CNTNAP4: variants seen among roughly 807,000 people sequenced by gnomAD.
The protein encoded by CNTNAP4 is contactin-associated protein-like 4.
In CNTNAP4, 98 loss-of-function variants were observed where a neutral mutation model predicts 148.4. The observed-to-expected ratio is 0.66, with a 90% CI of 0.56 to 0.78. The LOEUF (loss-of-function observed/expected upper bound fraction) is 0.78, where lower values mean the gene tolerates loss of function less well. CNTNAP4 is among the 30% of genes least tolerant of loss of function. The pLI is 0.00. For missense variants in CNTNAP4, 1,935 were observed against 1,565.6 expected, an observed-to-expected ratio of 1.24 and a Z score of -3.98; for synonymous variants, 730 against 565.1, an observed-to-expected ratio of 1.29 and a Z score of -4.14.
chr16:76,434,821 G>C (rs1324681279), intron 4 of CNTNAP4, among the ~76,000 whole-genome samples: 1 of 152,142 alleles, frequency 6.6e-6, no homozygotes, highest in Non-Finnish European at 1.5e-5. Flanking sequence ...TGGCACTGGG[G>C]AAATGACCAC....
At position 76,558,841 on chromosome 16, in the gene CNTNAP4, C is replaced by T. The variant is rs1264694299; in HGVS notation, c.*158C>T. Reference sequence around the variant, plus strand: ...GGCTTGGGGTGGCTCCAGGAAGCCTCGTCCAGTGATATATTTCTCATAGCA... The same window carrying T: ...GGCTTGGGGTGGCTCCAGGAAGCCTTGTCCAGTGATATATTTCTCATAGCA... On this transcript the variant is annotated 3_prime_UTR_variant, in exon 24 of 24. Transcript: ENST00000611870. 5 of 516,376 alleles carry T rather than the reference C, an allele frequency of 9.7e-6. No individual in the cohort carries two copies. The highest frequency in any genetic ancestry group is 5.9e-5 in the African/African-American group (3 of 51,158). 32.0% of individuals were successfully genotyped at this position (516,376 alleles called of 1,614,324 possible).
At chr16:76,435,290 T>A (rs1246305976) in intron 4 of CNTNAP4, among the ~76,000 whole-genome samples, 1 of 152,168 alleles carries the variant, frequency 6.6e-6, no homozygotes, top group East Asian at 1.9e-4. Flanking sequence ...AGGAGTGCAG[T>A]AGGCTTCCTA....
In CNTNAP4 at chr16:76,460,381, T is replaced by C. The variant is rs371995783; in HGVS notation, c.1334-1575T>C. ...GCCTCAGCCTCCCAAAGTACTGGGA[T>C]TACAGGCATGAGCCACCACACCTGG... is the stretch of plus-strand genomic sequence containing the variant. On this transcript the variant is annotated intron_variant, in intron 8 of 23. Transcript: ENST00000611870. 1.1e-3 allele frequency among the ~76,000 whole-genome samples: 160 copies of C among 151,796 alleles called. 1 individual carries two copies. Among genetic ancestry groups the C allele is most frequent in the African/African-American group, 3.6e-3 (151 of 41,454 alleles).
intron 21 of CNTNAP4, among the ~76,000 whole-genome samples, chr16:76,547,270 G>A (rs775043818): frequency 8.6e-5 from 13 of 152,028 alleles, no homozygotes; most frequent in Admixed American, 1.3e-4. Context: ...TCCACCACAT[G>A]GGGAAAAAGA....
At chr16:76,467,645 A>G (rs1002974) in intron 10 of CNTNAP4, 122 bp downstream of exon 10, 444,338 of 775,756 alleles carry the variant, frequency 0.57, 129,855 homozygotes, top group African/African-American at 0.78. Context: ...ACAGGAAATG[A>G]ATTATATTTA....
intron 9 of CNTNAP4, among the ~76,000 whole-genome samples, chr16:76,463,220 G>C (rs1383354301): frequency 6.6e-6 from 1 of 152,084 alleles, no homozygotes; most frequent in Non-Finnish European, 1.5e-5. Flanking sequence ...AAGATATATA[G>C]AACAACTTAA....
At position 76,537,460 on chromosome 16, in the gene CNTNAP4, G is replaced by T. The variant is rs1224700579; in HGVS notation, c.2996-656G>T. On this transcript the variant is annotated intron_variant, in intron 18 of 23. Transcript: ENST00000611870. Reference sequence around the variant, plus strand: ...ATGTATTTGGTGTGTGTGTGTGAGAGAGAGAGAGAGGAAGACAGAGAGAAT... The same window carrying T: ...ATGTATTTGGTGTGTGTGTGTGAGATAGAGAGAGAGGAAGACAGAGAGAAT... Among the ~76,000 whole-genome samples, 5 of 152,052 alleles carry T rather than the reference G, an allele frequency of 3.3e-5. No homozygotes were observed. The South Asian group carries it at 1.0e-3, about 31-fold the overall frequency.
chr16:76,423,070 G>C (rs569850687), intron 3 of CNTNAP4, among the ~76,000 whole-genome samples: 1 of 152,118 alleles, frequency 6.6e-6, no homozygotes, highest in African/African-American at 2.4e-5. Context: ...GCTAGAAAGT[G>C]GCATTCTATG....
At chr16:76,386,801 G>A (rs2016553033) in intron 3 of CNTNAP4, among the ~76,000 whole-genome samples, 1 of 152,152 alleles carries the variant, frequency 6.6e-6, no homozygotes, top group Non-Finnish European at 1.5e-5. Flanking sequence ...GATGATCATA[G>A]TAAGATTACC....
At chr16:76,439,504 AGTTGCAAAT>A (rs1296895408) in intron 4 of CNTNAP4, among the ~76,000 whole-genome samples, 1 of 152,162 alleles carries the variant, frequency 6.6e-6, no homozygotes, top group Non-Finnish European at 1.5e-5. Context: ...ACATTGCAAA[AGTTGCAAAT>A]GAATATTAGA....
chr16:76,501,357 G>A (rs964688315), intron 15 of CNTNAP4, among the ~76,000 whole-genome samples: 3 of 152,144 alleles, frequency 2.0e-5, no homozygotes, highest in African/African-American at 4.8e-5. Context: ...GACCCAGGCT[G>A]GCTTCCTCTG....
At chr16:76,494,720 T>A (rs573301378) in intron 13 of CNTNAP4, among the ~76,000 whole-genome samples, 190 bp from the exon 14 acceptor site, 2 of 152,288 alleles carry the variant, frequency 1.3e-5, no homozygotes, top group East Asian at 3.9e-4. Context: ...AAATAATAAC[T>A]TTTTTATAAA....
At chr16:76,300,851 A>G (rs1425723449) in intron 1 of CNTNAP4, among the ~76,000 whole-genome samples, 1 of 152,126 alleles carries the variant, frequency 6.6e-6, no homozygotes, top group Non-Finnish European at 1.5e-5. Context: ...ATTAGACACT[A>G]TGACATATGT....
At chr16:76,518,822 A>T (rs775439038) in intron 15 of CNTNAP4, among the ~76,000 whole-genome samples, 2 of 152,106 alleles carry the variant, frequency 1.3e-5, no homozygotes, top group Non-Finnish European at 2.9e-5. Context: ...TTTTGTATTC[A>T]TTGCCCAATC....
intron 4 of CNTNAP4, among the ~76,000 whole-genome samples, chr16:76,434,577 G>C (rs1026149777): frequency 3.3e-5 from 5 of 152,174 alleles, no homozygotes; most frequent in African/African-American, 9.7e-5. Context: ...AGTTGAATGG[G>C]GATGTGGTGG....
intron 17 of CNTNAP4, among the ~76,000 whole-genome samples, chr16:76,529,558 G>A (rs1379197447): frequency 6.6e-6 from 1 of 152,134 alleles, no homozygotes; most frequent in African/African-American, 2.4e-5. Flanking sequence ...GCCTTGAATT[G>A]ATTTTTATTC....
intron 8 of CNTNAP4, among the ~76,000 whole-genome samples, chr16:76,461,037 T>G (rs73619502): frequency 2.0e-5 from 3 of 151,926 alleles, no homozygotes; most frequent in Middle Eastern, 6.8e-3. Flanking sequence ...TTCATTAACA[T>G]TGGACTTATG....
At chr16:76,492,919 C>A (rs553705571) in intron 13 of CNTNAP4, among the ~76,000 whole-genome samples, 1 of 151,148 alleles carries the variant, frequency 6.6e-6, no homozygotes, top group African/African-American at 2.4e-5. Context: ...TGAAGGAATC[C>A]CCACCTTTAA....
chr16:76,439,993 C>T (rs373296649), intron 4 of CNTNAP4, among the ~76,000 whole-genome samples: 1 of 151,806 alleles, frequency 6.6e-6, no homozygotes, highest in Non-Finnish European at 1.5e-5. Flanking sequence ...AGTTAAACAG[C>T]GACTCAGTCT....
Sources: gnomAD v4.1 joint callset for allele counts (sites outside exome capture counted in the v4.1 genomes callset) on GRCh38, gnomAD v4.1.1 for gene constraint, MANE v1.5 for transcripts, NCBI Gene and HGNC (gene_info 2026-07-23, HGNC 2026-07-21) for gene names.